UHRF2: variants seen among roughly 807,000 people sequenced by gnomAD.
UHRF2 encodes the protein E3 ubiquitin-protein ligase UHRF2.
UHRF2 carries 23 observed loss-of-function variants against 96.8 expected under a neutral mutation model. The observed-to-expected ratio is 0.24, with a 90% CI of 0.17 to 0.34. The LOEUF (loss-of-function observed/expected upper bound fraction) is 0.34, where lower values mean the gene tolerates loss of function less well. Among genes scored for constraint, UHRF2 ranks in the 10% least tolerant of loss-of-function variants. The probability of loss-of-function intolerance (pLI) is 1.00; values close to 1 mark genes in which losing one functional copy is unlikely to be tolerated. For missense variants in UHRF2, 685 were observed against 981.5 expected (o/e 0.70, Z 4.04); for synonymous variants, 385 against 332.6 (o/e 1.16, Z -1.72).
intron 1 of UHRF2, chr9:6,415,146 A>G (rs1587748979): frequency 1.3e-5 from 2 of 152,348 alleles, no homozygotes; most frequent in South Asian, 4.1e-4. Flanking sequence ...TTCTTGGGCA[A>G]CACTCCTAAA....
In UHRF2 at chr9:6,506,263, T is replaced by C; in HGVS notation, c.*84T>C. The C allele has an allele frequency of 2.6e-6, 4 of 1,546,282 alleles. No individual in the cohort carries two copies. The highest frequency in any genetic ancestry group is 3.5e-6 in the Non-Finnish European group (4 of 1,136,404). ...TGGGTGGGGAGGGTGGAAGAAATGG[T>C]GGACTGTATCTCTCACGTTCTGAAG... On this transcript the variant is annotated 3_prime_UTR_variant, in exon 16 of 16. Transcript: ENST00000276893.
intron 2 of UHRF2, chr9:6,422,842 CTTTG>C (rs982333397): frequency 1.6e-4 from 61 of 393,440 alleles, no homozygotes; most frequent in African/African-American, 1.2e-3. Context: ...TTTCTGGTAG[CTTTG>C]TTTTTGATGC....
chr9:6,427,374 C>T (rs1820318181), intron 2 of UHRF2, among the ~76,000 whole-genome samples: 1 of 152,082 alleles, frequency 6.6e-6, no homozygotes, highest in Non-Finnish European at 1.5e-5. Context: ...CATAGGTAAA[C>T]ATTTAAACAG....
At chr9:6,444,622 A>G (rs546599362) in intron 3 of UHRF2, among the ~76,000 whole-genome samples, 2 of 151,850 alleles carry the variant, frequency 1.3e-5, no homozygotes, top group Non-Finnish European at 1.5e-5. Flanking sequence ...TTTGGTTTAG[A>G]CTGAGTCTTG....
intron 2 of UHRF2, chr9:6,423,037 G>A (rs1820022360): frequency 5.7e-6 from 1 of 176,890 alleles, no homozygotes; most frequent in East Asian, 1.4e-4. Context: ...ATTCTTATCA[G>A]TTGCGATAAA....
At chr9:6,457,651 A>T (rs1442536840) in intron 3 of UHRF2, among the ~76,000 whole-genome samples, 8 of 152,132 alleles carry the variant, frequency 5.3e-5, no homozygotes, top group Non-Finnish European at 1.2e-4. Flanking sequence ...GTTTGTCATA[A>T]ATAGCTCTTA....
At chr9:6,456,672 C>T (rs765693613) in intron 3 of UHRF2, among the ~76,000 whole-genome samples, 10 of 152,078 alleles carry the variant, frequency 6.6e-5, no homozygotes, top group African/African-American at 1.7e-4. Context: ...TTAGGTCTTA[C>T]GTTTAAGTCT....
intron 7 of UHRF2, 76 bp downstream of exon 7, chr9:6,481,842 G>A: frequency 1.3e-6 from 2 of 1,555,460 alleles, no homozygotes; most frequent in Non-Finnish European, 1.7e-6. Flanking sequence ...AGTAGTAATG[G>A]TATAAAAGAT....
chr9:6,465,504 C>G (rs1436165592), intron 4 of UHRF2, among the ~76,000 whole-genome samples: 1 of 152,084 alleles, frequency 6.6e-6, no homozygotes, highest in Non-Finnish European at 1.5e-5. Flanking sequence ...TTCATGTTTT[C>G]TATTTCTTGA....
intron 3 of UHRF2, among the ~76,000 whole-genome samples, chr9:6,438,011 G>A (rs1396096998): frequency 1.3e-5 from 2 of 152,154 alleles, no homozygotes; most frequent in African/African-American, 4.8e-5. Flanking sequence ...CAGCTCTCAT[G>A]CCTTAAAAAC....
At chr9:6,429,475 C>A (rs892244614) in intron 2 of UHRF2, among the ~76,000 whole-genome samples, 1 of 151,958 alleles carries the variant, frequency 6.6e-6, no homozygotes, top group African/African-American at 2.4e-5. Flanking sequence ...AGTATAGTGG[C>A]GGGATCCACG....
intron 7 of UHRF2, 69 bp downstream of exon 7, chr9:6,481,835 A>G (rs1823946270): frequency 1.3e-6 from 2 of 1,564,676 alleles, no homozygotes; most frequent in Non-Finnish European, 1.7e-6. Flanking sequence ...TACCAATAGT[A>G]GTAATGGTAT....
chr9:6,446,472 G>A (rs1056142037), intron 3 of UHRF2, among the ~76,000 whole-genome samples: 6 of 151,832 alleles, frequency 4.0e-5, no homozygotes, highest in Non-Finnish European at 7.4e-5. Flanking sequence ...GTAGAAGCAG[G>A]GTTTCGCCAT....
chr9:6,435,515 C>T (rs192398497), intron 3 of UHRF2, among the ~76,000 whole-genome samples: 300 of 152,216 alleles, frequency 2.0e-3, no homozygotes, highest in Non-Finnish European at 3.6e-3. Flanking sequence ...TGACGTACTA[C>T]CACAAACTAA....
At chr9:6,469,745 TACACGTATATATAC>T (rs1237631863) in intron 4 of UHRF2, among the ~76,000 whole-genome samples, 3 of 141,526 alleles carry the variant, frequency 2.1e-5, no homozygotes, top group Non-Finnish European at 4.6e-5. Context: ...TGTATATATA[TACACGTATATATAC>T]ACACGTATAT....
intron 2 of UHRF2, among the ~76,000 whole-genome samples, chr9:6,433,305 C>A (rs755405002): frequency 6.6e-6 from 1 of 152,084 alleles, no homozygotes; most frequent in Non-Finnish European, 1.5e-5. Flanking sequence ...GTGTCTTACG[C>A]CCTGTTCATT....
intron 3 of UHRF2, 30 bp from the exon 4 acceptor site, chr9:6,460,543 C>T: frequency 6.5e-7 from 1 of 1,548,420 alleles, no homozygotes; most frequent in Non-Finnish European, 8.8e-7. Context: ...CTTTGGTAAT[C>T]ATAAGCCATA....
intron 3 of UHRF2, among the ~76,000 whole-genome samples, chr9:6,459,576 G>A (rs1000489591): frequency 2.0e-5 from 3 of 152,228 alleles, no homozygotes; most frequent in South Asian, 2.1e-4. Context: ...GGCTGAGGCA[G>A]GAGAATCACT....
At chr9:6,428,914 A>T (rs1820418707) in intron 2 of UHRF2, among the ~76,000 whole-genome samples, 1 of 152,132 alleles carries the variant, frequency 6.6e-6, no homozygotes. Context: ...CTGTAATCCC[A>T]GCACTTTGGG....
Sources: gnomAD v4.1 joint callset for allele counts (sites outside exome capture counted in the v4.1 genomes callset) on GRCh38, gnomAD v4.1.1 for gene constraint, MANE v1.5 for transcripts, NCBI Gene and HGNC (gene_info 2026-07-23, HGNC 2026-07-21) for gene names.